Variants in OSBPL9 observed in about 807,000 individuals in gnomAD.
The protein encoded by OSBPL9 is oxysterol-binding protein-related protein 9.
In OSBPL9, 40 loss-of-function variants were observed where a neutral mutation model predicts 106.6. The ratio of observed to expected loss-of-function variants is 0.38; its 90% confidence interval spans 0.29 to 0.49. OSBPL9 has a LOEUF of 0.49. Ranked by LOEUF, OSBPL9 falls within the 20% of genes least tolerant of loss-of-function variation. The pLI is 0.97. For synonymous variants in OSBPL9, 269 were observed against 295.4 expected (o/e 0.91, Z 0.92); for missense variants, 609 against 887.2 (o/e 0.69, Z 3.98).
At chr1:51,615,606 C>T (rs72896009), upstream of OSBPL9, among the ~76,000 whole-genome samples, 19,212 of 152,118 alleles carry the variant, frequency 0.13, 1,356 homozygotes, top group Middle Eastern at 0.23. Context: ...CTAGTGTCTT[C>T]GATCTAAATA....
chr1:51,633,486 TG>T (rs1645232319), intron 1 of OSBPL9, among the ~76,000 whole-genome samples: 1 of 151,374 alleles, frequency 6.6e-6, no homozygotes, highest in Non-Finnish European at 1.5e-5. Context: ...GATGGGGGAA[TG>T]GGTGCGAGGT....
At chr1:51,629,302 G>A (rs912566933) in intron 1 of OSBPL9, among the ~76,000 whole-genome samples, 3 of 152,122 alleles carry the variant, frequency 2.0e-5, no homozygotes, top group African/African-American at 7.2e-5. Flanking sequence ...AGTTCCATTA[G>A]AACAGAGACT....
intron 3 of OSBPL9, among the ~76,000 whole-genome samples, chr1:51,687,517 T>C (rs1001406741): frequency 6.6e-6 from 1 of 152,104 alleles, no homozygotes; most frequent in Admixed American, 6.6e-5. Flanking sequence ...TAATGTTTGA[T>C]GTGGGTTTTG....
chr1:51,562,309 C>A, the OSBPL9 span, among the ~76,000 whole-genome samples: 1 of 152,098 alleles, frequency 6.6e-6, no homozygotes, highest in Non-Finnish European at 1.5e-5. Flanking sequence ...GCACCTCCCC[C>A]CTTTCTCTCT....
chr1:51,548,571 G>C, the OSBPL9 span, among the ~76,000 whole-genome samples: 23 of 148,464 alleles, frequency 1.5e-4, no homozygotes, highest in African/African-American at 5.0e-4. Flanking sequence ...TAATTTTTTC[G>C]TGGGGATGGA....
intron 3 of OSBPL9, among the ~76,000 whole-genome samples, chr1:51,685,644 C>T (rs1389380465): frequency 6.6e-6 from 1 of 152,144 alleles, no homozygotes; most frequent in African/African-American, 2.4e-5. Flanking sequence ...GTTATCTGCC[C>T]GCCTTGGCCT....
intron 3 of OSBPL9, among the ~76,000 whole-genome samples, chr1:51,692,952 C>T (rs1399911344): frequency 6.6e-6 from 1 of 152,010 alleles, no homozygotes; most frequent in Non-Finnish European, 1.5e-5. Context: ...GGTTAGGGGG[C>T]CAGGTTTTAG....
chr1:51,687,807 A>T (rs2148818368), intron 3 of OSBPL9, among the ~76,000 whole-genome samples: 2 of 152,324 alleles, frequency 1.3e-5, no homozygotes, highest in Middle Eastern at 6.8e-3. Context: ...CTTTTCTGTA[A>T]ATTAGGAAAG....
the OSBPL9 span, chr1:51,519,468 G>T: frequency 5.8e-6 from 1 of 172,010 alleles, no homozygotes; most frequent in South Asian, 1.8e-4. Context: ...TCGGCCACCG[G>T]ACCAGAGCCT....
intron 1 of OSBPL9, among the ~76,000 whole-genome samples, chr1:51,622,899 T>G (rs1036970219): frequency 6.6e-5 from 10 of 152,218 alleles, no homozygotes; most frequent in African/African-American, 2.2e-4. Flanking sequence ...TTGAAAAGAA[T>G]TTGTGGACAA....
chr1:51,718,550 G>A (rs954826635), intron 4 of OSBPL9, among the ~76,000 whole-genome samples: 2 of 151,974 alleles, frequency 1.3e-5, no homozygotes, highest in East Asian at 1.9e-4. Flanking sequence ...TGGATAGTTC[G>A]TCTGTATACC....
At chr1:51,711,281 G>A (rs375121749) in intron 3 of OSBPL9, among the ~76,000 whole-genome samples, 3 of 150,790 alleles carry the variant, frequency 2.0e-5, no homozygotes, top group Non-Finnish European at 3.0e-5. Flanking sequence ...CAGTAGGGGC[G>A]GCCGGGCAGA....
the OSBPL9 span, among the ~76,000 whole-genome samples, chr1:51,532,665 T>C: frequency 1.3e-5 from 2 of 151,882 alleles, no homozygotes; most frequent in Non-Finnish European, 2.9e-5. Context: ...AGAGAGTAGG[T>C]AGAGTTAGAT....
At chr1:51,663,495 CT>C (rs903798984) in intron 2 of OSBPL9, among the ~76,000 whole-genome samples, 81 of 152,288 alleles carry the variant, frequency 5.3e-4, no homozygotes, top group African/African-American at 1.9e-3. Flanking sequence ...TATTAAAAAA[CT>C]TTTTTTAAAT....
chr1:51,651,898 T>C, intron 1 of OSBPL9, 93 bp from the exon 2 acceptor site: 3 of 978,500 alleles, frequency 3.1e-6, no homozygotes, highest in East Asian at 2.5e-5. Flanking sequence ...TGGGTATTAC[T>C]GTAAATCTTG....
chr1:51,724,972 A>C (rs932439078), intron 4 of OSBPL9: 1 of 152,870 alleles, frequency 6.5e-6, no homozygotes, highest in Non-Finnish European at 1.5e-5. Flanking sequence ...TCTGCGGTTT[A>C]ATGTCTCACA....
chr1:51,777,722 G>A (rs1675394221), intron 15 of OSBPL9, among the ~76,000 whole-genome samples: 1 of 151,990 alleles, frequency 6.6e-6, no homozygotes, highest in Non-Finnish European at 1.5e-5. Context: ...TAAATTAACA[G>A]ATAATTTAAG....
intron 9 of OSBPL9, chr1:51,760,467 C>T (rs1671246691): frequency 3.8e-6 from 2 of 524,944 alleles, no homozygotes; most frequent in Admixed American, 8.2e-5. Flanking sequence ...TTTAGCTTTA[C>T]CTTCTTCTGT....
At chr1:51,675,094 G>A (rs1265408630) in intron 3 of OSBPL9, among the ~76,000 whole-genome samples, 1 of 152,126 alleles carries the variant, frequency 6.6e-6, no homozygotes, top group Non-Finnish European at 1.5e-5. Flanking sequence ...TACCATCTAG[G>A]TTCATGTACT....
Sources: allele counts gnomAD v4.1 joint callset (sites outside exome capture counted in the v4.1 genomes callset), GRCh38; gene constraint gnomAD v4.1.1; transcripts MANE v1.5; gene names NCBI Gene and HGNC (gene_info 2026-07-23, HGNC 2026-07-21).